NLGN4X: variants seen among roughly 807,000 people sequenced by gnomAD.
The protein encoded by NLGN4X is neuroligin 4 X-linked.
NLGN4X carries 3 observed loss-of-function variants against 40.3 expected under a neutral mutation model. The observed-to-expected ratio is 0.07, with a 90% confidence interval of 0.03 to 0.19. The LOEUF (loss-of-function observed/expected upper bound fraction) is 0.19, where lower values mean the gene tolerates loss of function less well. Ranked by LOEUF, NLGN4X falls within the 10% of genes least tolerant of loss-of-function variation. The pLI is 1.00. For synonymous variants in NLGN4X, 270 were observed against 306.8 expected (o/e 0.88, Z 1.25); for missense variants, 382 against 708.3 (o/e 0.54, Z 5.23).
rs899491483 is a variant in NLGN4X at position 6,151,754 on chromosome X, T to C, written c.-288A>G. 25 of 366,741 alleles carry C rather than the reference T, an allele frequency of 6.8e-5. 1 individual carries two copies. The highest frequency in any genetic ancestry group is 3.8e-4 in the East Asian group (8 of 21,305). The allele number at this position is 366,741 out of a possible 1,213,427, so 30.2% of individuals were successfully genotyped here. A position where few individuals can be genotyped will look rare whatever the true frequency, so the allele number is the denominator to read the frequency against. On this transcript the variant is annotated 5_prime_UTR_variant, in exon 2 of 6. Transcript: ENST00000381095. ...CAACACCTCCAGGGACAATTTCTTA[T>C]GAAAACTCCAAGGCAGCCTAAAAGA... is the stretch of plus-strand genomic sequence containing the variant.
At chrX:5,998,098 CA>C (rs2035880669) in intron 3 of NLGN4X, among the ~76,000 whole-genome samples, 1 of 111,371 alleles carries the variant, frequency 9.0e-6, no homozygotes, top group Non-Finnish European at 1.9e-5. Flanking sequence ...GAAACTCTCT[CA>C]ATTTATGAAA....
In NLGN4X at chrX:5,973,204, G is replaced by C. The variant is rs746530001; in HGVS notation, c.625+56076C>G. Among the ~76,000 whole-genome samples the C allele has an allele frequency of 3.5e-3, 398 of 112,450 alleles. 1 individual carries two copies. Among genetic ancestry groups the C allele is most frequent in the Middle Eastern group, 0.014 (3 of 218 alleles). On this transcript the variant is annotated intron_variant, in intron 3 of 5. Transcript: ENST00000381095. ...GGGTCAGCAAACTATGATCCAGGAA[G>C]CAAACCTGGCCAGGACCTCCTTTTG...
At chrX:5,976,407 T>C (rs1457724140) in intron 3 of NLGN4X, among the ~76,000 whole-genome samples, 1 of 112,043 alleles carries the variant, frequency 8.9e-6, no homozygotes, top group Non-Finnish European at 1.9e-5. Context: ...CTTCTAAAGA[T>C]CATGCTTCTC....
At chrX:5,987,403 C>T (rs981986243) in intron 3 of NLGN4X, among the ~76,000 whole-genome samples, 8 of 112,684 alleles carry the variant, frequency 7.1e-5, no homozygotes, top group Admixed American at 2.8e-4. Context: ...GCATGCACTG[C>T]TTTGAAGATG....
At chrX:6,087,061 C>T (rs892492806) in intron 2 of NLGN4X, among the ~76,000 whole-genome samples, 5 of 111,698 alleles carry the variant, frequency 4.5e-5, no homozygotes, top group Non-Finnish European at 9.4e-5. Flanking sequence ...TTTATACACA[C>T]CTAGAAGATC....
At chrX:6,157,090 A>G (rs12558828) in intron 1 of NLGN4X, among the ~76,000 whole-genome samples, 33,950 of 104,682 alleles carry the variant, frequency 0.32, 4,308 homozygotes, top group African/African-American at 0.42. Context: ...GTTTGAGTTT[A>G]GCCTGGGCAA....
intron 5 of NLGN4X, among the ~76,000 whole-genome samples, chrX:5,896,918 T>C (rs2031526189): frequency 8.9e-6 from 1 of 112,039 alleles, no homozygotes; most frequent in Non-Finnish European, 1.9e-5. Flanking sequence ...GCTGCAACTC[T>C]CTGTAACCCA....
At chrX:5,974,121 A>G (rs376709551) in intron 3 of NLGN4X, among the ~76,000 whole-genome samples, 21 of 112,245 alleles carry the variant, frequency 1.9e-4, no homozygotes, top group African/African-American at 6.5e-4. Context: ...TCAAGCCACA[A>G]CAAAGAAAGG....
chrX:5,930,769 T>C (rs1379920575), intron 3 of NLGN4X, among the ~76,000 whole-genome samples: 1 of 112,400 alleles, frequency 8.9e-6, no homozygotes, highest in Non-Finnish European at 1.9e-5. Flanking sequence ...AATATCCACC[T>C]TTGCAAAGAG....
chrX:6,133,599 T>C (rs777956915), intron 2 of NLGN4X, among the ~76,000 whole-genome samples: 3 of 112,140 alleles, frequency 2.7e-5, no homozygotes, highest in Non-Finnish European at 5.6e-5. Context: ...TGTACATATA[T>C]AAAATTTTTG....
chrX:6,223,480 T>TA (rs1240839568), intron 1 of NLGN4X, among the ~76,000 whole-genome samples: 29 of 112,527 alleles, frequency 2.6e-4, no homozygotes, highest in African/African-American at 8.7e-4. Flanking sequence ...ATTCAAAGCC[T>TA]ATAAATGGCA....
At chrX:6,018,033 T>C (rs971997239) in intron 3 of NLGN4X, among the ~76,000 whole-genome samples, 1 of 111,771 alleles carries the variant, frequency 8.9e-6, no homozygotes, top group Non-Finnish European at 1.9e-5. Context: ...ATTTTATATA[T>C]GTATACATAC....
intron 3 of NLGN4X, among the ~76,000 whole-genome samples, chrX:5,927,989 G>C (rs776957113): frequency 8.9e-6 from 1 of 111,856 alleles, no homozygotes; most frequent in South Asian, 3.7e-4. Flanking sequence ...TCACTGATTA[G>C]TGTTTAAATC....
chrX:6,223,434 C>T (rs2147911634), intron 1 of NLGN4X, among the ~76,000 whole-genome samples: 1 of 112,094 alleles, frequency 8.9e-6, no homozygotes, highest in African/African-American at 3.2e-5. Context: ...TTAATGTAAC[C>T]ACCTGCAGAG....
chrX:5,925,141 T>C (rs922118849), intron 3 of NLGN4X, among the ~76,000 whole-genome samples: 2 of 111,866 alleles, frequency 1.8e-5, no homozygotes, highest in Admixed American at 1.9e-4. Context: ...TTGGTGAAAA[T>C]ATATTCTTTC....
rs181451202 is a variant in NLGN4X, at chrX:6,166,612, G to A, written c.-305-14841C>T. On this transcript the variant is annotated intron_variant, in intron 1 of 5. Coordinates refer to ENST00000381095, the MANE Select transcript of NLGN4X (RefSeq NM_181332.3). ...TTGCCAGTCTGTGGTCATCACCTGC[G>A]TATCTACCTATCATGACCTAGTGGG... Among the ~76,000 whole-genome samples the A allele has an allele frequency of 1.8e-3, 198 of 111,039 alleles. 1 individual carries two copies. Among genetic ancestry groups the A allele is most frequent in the African/African-American group, 6.1e-3 (186 of 30,581 alleles).
At chrX:5,935,884 T>C (rs1477831588) in intron 3 of NLGN4X, among the ~76,000 whole-genome samples, 1 of 111,974 alleles carries the variant, frequency 8.9e-6, no homozygotes, top group Non-Finnish European at 1.9e-5. Context: ...GAGCGAACAA[T>C]ATATTCTTTG....
intron 3 of NLGN4X, among the ~76,000 whole-genome samples, chrX:5,918,970 T>C (rs1336199306): frequency 1.8e-5 from 2 of 112,449 alleles, no homozygotes; most frequent in Non-Finnish European, 3.7e-5. Flanking sequence ...GCCAATGATT[T>C]GTCATTTTTG....
At chrX:6,201,769 C>T (rs1224023830) in intron 1 of NLGN4X, among the ~76,000 whole-genome samples, 3 of 110,801 alleles carry the variant, frequency 2.7e-5, no homozygotes, top group East Asian at 2.9e-4. Context: ...TTTGGGAACA[C>T]TGAATTGAGT....
Sources: gnomAD v4.1 joint callset for allele counts (sites outside exome capture counted in the v4.1 genomes callset) on GRCh38, gnomAD v4.1.1 for gene constraint, MANE v1.5 for transcripts, NCBI Gene and HGNC (gene_info 2026-07-23, HGNC 2026-07-21) for gene names.